The following PLD5 variants were observed in gnomAD, a reference collection of about 807,000 sequenced individuals.
PLD5 encodes the protein phospholipase D family member 5.
A neutral mutation model predicts 61.1 loss-of-function variants in PLD5; 36 were observed. The observed-to-expected ratio is 0.59, with a 90% CI of 0.45 to 0.78. PLD5 has a LOEUF of 0.78. Among genes scored for constraint, PLD5 ranks in the 30% least tolerant of loss-of-function variants. The pLI, the probability that PLD5 is intolerant of heterozygous loss-of-function variation, is 0.00. For synonymous variants in PLD5, 243 were observed against 242.8 expected (o/e 1.00, Z -0.01); for missense variants, 515 against 644.4 (o/e 0.80, Z 2.17).
At chr1:242,211,995 A>AG (rs1287684487) in intron 5 of PLD5, among the ~76,000 whole-genome samples, 1 of 152,192 alleles carries the variant, frequency 6.6e-6, no homozygotes, top group Non-Finnish European at 1.5e-5. Flanking sequence ...CTCTGGAACA[A>AG]GTGGGGAGAA....
intron 1 of PLD5, among the ~76,000 whole-genome samples, chr1:242,363,079 G>A (rs1227371491): frequency 1.3e-5 from 2 of 152,144 alleles, no homozygotes; most frequent in African/African-American, 4.8e-5. Flanking sequence ...AAGCGGTGAA[G>A]ATCTTCAGGT....
At chr1:242,396,668 C>CTTTCA (rs1479365427) in intron 1 of PLD5, among the ~76,000 whole-genome samples, 1 of 125,150 alleles carries the variant, frequency 8.0e-6, no homozygotes, top group Non-Finnish European at 1.6e-5. Context: ...TCTTTCTTTT[C>CTTTCA]TTTTCTTTTT....
chr1:242,148,830 A>C (rs374634291), intron 5 of PLD5, among the ~76,000 whole-genome samples: 1 of 151,910 alleles, frequency 6.6e-6, no homozygotes, highest in East Asian at 1.9e-4. Flanking sequence ...AAAACATAAC[A>C]TTTCTACATA....
At chr1:242,248,500 CA>C (rs1672519891) in intron 4 of PLD5, among the ~76,000 whole-genome samples, 1 of 151,018 alleles carries the variant, frequency 6.6e-6, no homozygotes, top group Non-Finnish European at 1.5e-5. Context: ...AAAGAATAGC[CA>C]ATCACTGATC....
intron 4 of PLD5, among the ~76,000 whole-genome samples, chr1:242,224,847 A>T (rs1274672862): frequency 6.6e-6 from 1 of 152,224 alleles, no homozygotes; most frequent in Non-Finnish European, 1.5e-5. Context: ...GGTACAATTT[A>T]CTTGTAGTAA....
intron 5 of PLD5, among the ~76,000 whole-genome samples, chr1:242,172,141 C>T (rs1193804426): frequency 6.6e-6 from 1 of 152,220 alleles, no homozygotes; most frequent in Non-Finnish European, 1.5e-5. Context: ...GGAAAACACT[C>T]CTCAGCAAAT....
intron 3 of PLD5, among the ~76,000 whole-genome samples, chr1:242,269,181 C>G (rs1673899802): frequency 6.6e-6 from 1 of 152,112 alleles, no homozygotes; most frequent in South Asian, 2.1e-4. Context: ...ACAAAAGCCC[C>G]TTGGCTTTTA....
intron 4 of PLD5, among the ~76,000 whole-genome samples, chr1:242,254,999 C>T (rs989077742): frequency 6.6e-6 from 1 of 152,190 alleles, no homozygotes; most frequent in Non-Finnish European, 1.5e-5. Flanking sequence ...ATGAGCCTCT[C>T]AAGTGGCATT....
intron 1 of PLD5, among the ~76,000 whole-genome samples, chr1:242,381,365 G>A (rs938021132): frequency 1.3e-5 from 2 of 152,086 alleles, no homozygotes; most frequent in Non-Finnish European, 1.5e-5. Flanking sequence ...ACACAGGGAG[G>A]GAAACAACAC....
rs535535556 is a variant in PLD5 at position 242,333,977 on chromosome 1, T to C, written c.326+14129A>G. Among the ~76,000 whole-genome samples the C allele has an allele frequency of 9.8e-5, 15 of 152,320 alleles. No homozygotes were observed. In the South Asian group the frequency reaches 2.5e-3, roughly 25 times the overall value. On this transcript the variant is annotated intron_variant, in intron 2 of 9. Transcript: ENST00000536534. Reference sequence around the variant, plus strand: ...ATACACATGGGCATGCAGATAACTCTTTGATATATTGATTCCCTTTCTTTT... The same window carrying C: ...ATACACATGGGCATGCAGATAACTCCTTGATATATTGATTCCCTTTCTTTT...
At chr1:242,290,569 G>C (rs182163621) in intron 2 of PLD5, among the ~76,000 whole-genome samples, 1 of 152,028 alleles carries the variant, frequency 6.6e-6, no homozygotes, top group Non-Finnish European at 1.5e-5. Flanking sequence ...AGCTAAGTCT[G>C]ACAGCACACC....
chr1:242,322,506 T>C (rs1189839963), intron 2 of PLD5, among the ~76,000 whole-genome samples: 1 of 152,208 alleles, frequency 6.6e-6, no homozygotes, highest in Non-Finnish European at 1.5e-5. Context: ...GCATCTGTCT[T>C]TTTATCAGCT....
At chr1:242,494,101 C>CCCTCCCT (rs1668278938) in intron 1 of PLD5, among the ~76,000 whole-genome samples, 1 of 88,922 alleles carries the variant, frequency 1.1e-5, no homozygotes, top group African/African-American at 4.6e-5. Context: ...TTCCCCTCTC[C>CCCTCCCT]TCCCCTCTCC....
intron 2 of PLD5, among the ~76,000 whole-genome samples, chr1:242,323,228 G>A (rs528255472): frequency 3.3e-5 from 5 of 152,226 alleles, no homozygotes; most frequent in Admixed American, 6.5e-5. Flanking sequence ...CCAGGCGGCC[G>A]TTGCTGATAT....
intron 2 of PLD5, among the ~76,000 whole-genome samples, chr1:242,322,646 A>G (rs1430374572): frequency 1.3e-5 from 2 of 152,178 alleles, no homozygotes; most frequent in Admixed American, 6.5e-5. Context: ...TGCTGTTCCC[A>G]TGATAGTGAG....
chr1:242,405,686 C>A (rs1343394523), intron 1 of PLD5, among the ~76,000 whole-genome samples: 1 of 151,982 alleles, frequency 6.6e-6, no homozygotes, highest in Non-Finnish European at 1.5e-5. Context: ...ACTGCAACCT[C>A]TGCCTATAAG....
At position 242,141,347 on chromosome 1, in the gene PLD5, G is replaced by A. The variant is rs1007909619; in HGVS notation, c.736-16682C>T. Among the ~76,000 whole-genome samples the A allele has an allele frequency of 5.9e-5, 9 of 152,144 alleles. No individual in the cohort carries two copies. The East Asian group carries it at 1.2e-3, about 20-fold the overall frequency. ...GATGACATTTTCCATCTTCCTCTCC[G>A]ACTGCATCTTCTGTAAGGGGCATCC... On this transcript the variant is annotated intron_variant, in intron 5 of 9. Coordinates refer to ENST00000536534, the MANE Select transcript of PLD5 (RefSeq NM_001372062.1).
intron 4 of PLD5, among the ~76,000 whole-genome samples, chr1:242,236,200 T>C (rs1671632249): frequency 6.6e-6 from 1 of 152,230 alleles, no homozygotes; most frequent in Non-Finnish European, 1.5e-5. Flanking sequence ...TGCCAGCACC[T>C]TGACCCTGGA....
intron 4 of PLD5, among the ~76,000 whole-genome samples, chr1:242,242,576 A>G (rs1397449456): frequency 6.6e-6 from 1 of 152,216 alleles, no homozygotes; most frequent in Non-Finnish European, 1.5e-5. Flanking sequence ...TTAACACAAC[A>G]GGTATCTTTC....
Sources: allele counts gnomAD v4.1 joint callset (sites outside exome capture counted in the v4.1 genomes callset), GRCh38; gene constraint gnomAD v4.1.1; transcripts MANE v1.5; gene names NCBI Gene and HGNC (gene_info 2026-07-23, HGNC 2026-07-21).